The following AKAP6 variants were observed in gnomAD, a reference collection of about 807,000 sequenced individuals.
AKAP6 encodes the protein A-kinase anchoring protein 6.
Under a neutral mutation model 188.5 loss-of-function variants are expected in AKAP6, and 58 were observed. The observed-to-expected ratio is 0.31, with a 90% CI of 0.25 to 0.38. AKAP6 has a LOEUF of 0.38. Among genes scored for constraint, AKAP6 ranks in the 10% least tolerant of loss-of-function variants. The probability of loss-of-function intolerance (pLI) is 1.00; values close to 1 mark genes in which losing one functional copy is unlikely to be tolerated. For synonymous variants in AKAP6, 989 were observed against 998.6 expected (o/e 0.99, Z 0.18); for missense variants, 2,710 against 2,740.0 (o/e 0.99, Z 0.24).
At chr14:32,786,083 C>CT (rs1378360372) in intron 12 of AKAP6, among the ~76,000 whole-genome samples, 2 of 152,010 alleles carry the variant, frequency 1.3e-5, no homozygotes, top group Non-Finnish European at 2.9e-5. Context: ...GTGGGTGCAT[C>CT]TGGGGAGACA....
intron 2 of AKAP6, among the ~76,000 whole-genome samples, chr14:32,490,222 C>T (rs1198415185): frequency 6.6e-6 from 1 of 151,344 alleles, no homozygotes; most frequent in Admixed American, 6.6e-5. Context: ...TCTTCAGTTG[C>T]TTCAGGCCAT....
chr14:32,780,353 A>G (rs2033211100), intron 12 of AKAP6, among the ~76,000 whole-genome samples: 1 of 152,056 alleles, frequency 6.6e-6, no homozygotes, highest in African/African-American at 2.4e-5. Context: ...GAAAAAAAGA[A>G]AGAAACAGAG....
At position 32,833,069 on chromosome 14, in the gene AKAP6, C is replaced by G. The variant is rs1406734193; in HGVS notation, c.*3264C>G. The G allele has an allele frequency of 2.0e-5, 3 of 152,248 alleles. No individual in the cohort carries two copies. Among genetic ancestry groups the G allele is most frequent in the African/African-American group, 7.2e-5 (3 of 41,420 alleles). 9.4% of individuals were successfully genotyped at this position (152,248 alleles called of 1,614,324 possible). On this transcript the variant is annotated 3_prime_UTR_variant, in exon 14 of 14. Transcript: ENST00000280979. The stretch of plus-strand genomic sequence containing the variant: ...ATAAATAAATAAGAATCCATGACTT[C>G]CTTCAGTGGCCCAGTCCAGTGCCTA...
intron 7 of AKAP6, among the ~76,000 whole-genome samples, chr14:32,615,974 C>T (rs1886561397): frequency 6.6e-6 from 1 of 152,186 alleles, no homozygotes; most frequent in African/African-American, 2.4e-5. Context: ...AAATTATTCT[C>T]ATCAATGTTC....
At chr14:32,490,558 T>TGGTCCTTTAGA (rs1381740781) in intron 2 of AKAP6, among the ~76,000 whole-genome samples, 1 of 152,172 alleles carries the variant, frequency 6.6e-6, no homozygotes, top group Non-Finnish European at 1.5e-5. Flanking sequence ...TCCTCTGAAG[T>TGGTCCTTTAGA]GGTCCTTTAG....
In AKAP6 at chr14:32,545,759, C is replaced by T. The variant is rs1226254350; in HGVS notation, c.1106C>T (p.Pro369Leu). ...QQPVPCENAT[P>L]KRTIRDCFNY... ...CCTGTTCCTTGTGAAAATGCAACCCCCAAACGAACCATCAGAGATTGCTTT... is the reference window on the plus strand; with the variant it reads ...CCTGTTCCTTGTGAAAATGCAACCCTCAAACGAACCATCAGAGATTGCTTT... The change falls in exon 4 of 14, where the codon CCC becomes CTC. Residue 369 changes from proline (P) to leucine (L), a missense_variant. By Grantham distance (98) the Pro-to-Leu change is moderately conservative (BLOSUM62 -3). Transcript: ENST00000280979. 4 of 1,614,174 alleles carry T rather than the reference C, an allele frequency of 2.5e-6. No homozygotes were observed. The highest frequency in any genetic ancestry group is 1.3e-5 in the African/African-American group (1 of 75,046).
At chr14:32,492,255 T>C (rs1322870001) in intron 2 of AKAP6, among the ~76,000 whole-genome samples, 2 of 151,150 alleles carry the variant, frequency 1.3e-5, no homozygotes, top group Non-Finnish European at 2.9e-5. Flanking sequence ...CTCTCTCTTT[T>C]TCTGGGTTAG....
At chr14:32,417,307 G>A (rs993419277) in intron 1 of AKAP6, among the ~76,000 whole-genome samples, 2 of 152,038 alleles carry the variant, frequency 1.3e-5, no homozygotes, top group Non-Finnish European at 2.9e-5. Flanking sequence ...TATAAATCTT[G>A]TCATATTTTA....
intron 1 of AKAP6, among the ~76,000 whole-genome samples, chr14:32,380,592 A>G (rs1029596305): frequency 6.6e-6 from 1 of 152,218 alleles, no homozygotes; most frequent in African/African-American, 2.4e-5. Flanking sequence ...ATTTTAAAAC[A>G]GATTCTTCCT....
intron 12 of AKAP6, among the ~76,000 whole-genome samples, chr14:32,811,055 T>A (rs960744346): frequency 1.3e-5 from 2 of 151,740 alleles, no homozygotes; most frequent in South Asian, 4.2e-4. Context: ...CTGGCTAACA[T>A]GGAGAAACCC....
chr14:32,489,507 C>A (rs1879886408), intron 2 of AKAP6, among the ~76,000 whole-genome samples: 1 of 152,156 alleles, frequency 6.6e-6, no homozygotes, highest in Admixed American at 6.5e-5. Context: ...CCATGCCCAG[C>A]CCCTTTCTCT....
intron 9 of AKAP6, among the ~76,000 whole-genome samples, chr14:32,704,884 C>T (rs915340005): frequency 1.2e-4 from 19 of 152,050 alleles, no homozygotes; most frequent in African/African-American, 3.9e-4. Flanking sequence ...CTTTTATCAT[C>T]GTTCTAGTTT....
At chr14:32,785,336 A>G (rs1466159252) in intron 12 of AKAP6, among the ~76,000 whole-genome samples, 1 of 152,226 alleles carries the variant, frequency 6.6e-6, no homozygotes, top group Non-Finnish European at 1.5e-5. Flanking sequence ...ATTTCTTTTG[A>G]ATAATTGAAA....
rs1442238146 is a variant in AKAP6, at chr14:32,823,855, A to G, written c.6042A>G (p.Lys2014=). Residue 2014 remains lysine, a synonymous_variant, in exon 13 of 14, where the codon AAA becomes AAG. Coordinates refer to ENST00000280979, the MANE Select transcript of AKAP6 (RefSeq NM_004274.5). The stretch of plus-strand genomic sequence containing the variant: ...ATGATGCACCGAGTATGGCTGGAAA[A>G]TCTGCTGGTTGTTGCCTAGCACTTG... The part of the protein sequence containing the change: ...SSDDAPSMAG[K]SAGCCLALEQ... 6.2e-7 allele frequency: 1 copy of G among 1,613,574 alleles called. No individual in the cohort carries two copies. Among genetic ancestry groups the G allele is most frequent in the Non-Finnish European group, 8.5e-7 (1 of 1,179,920 alleles).
At chr14:32,334,621 A>G (rs1224491050) in intron 1 of AKAP6, among the ~76,000 whole-genome samples, 1 of 152,186 alleles carries the variant, frequency 6.6e-6, no homozygotes, top group Non-Finnish European at 1.5e-5. Flanking sequence ...AACATAGTAT[A>G]TGTAGGGTTT....
intron 7 of AKAP6, among the ~76,000 whole-genome samples, chr14:32,611,345 T>C (rs1886344415): frequency 6.6e-6 from 1 of 152,196 alleles, no homozygotes; most frequent in African/African-American, 2.4e-5. Context: ...GCATAGATAT[T>C]TTTGTAACCT....
intron 1 of AKAP6, among the ~76,000 whole-genome samples, chr14:32,382,098 C>T (rs1350417699): frequency 6.6e-6 from 1 of 152,194 alleles, no homozygotes; most frequent in African/African-American, 2.4e-5. Flanking sequence ...GATTGTGAGT[C>T]ACCTAGCAGG....
At chr14:32,762,484 A>G (rs1165287005) in intron 11 of AKAP6, among the ~76,000 whole-genome samples, 1 of 152,132 alleles carries the variant, frequency 6.6e-6, no homozygotes, top group East Asian at 1.9e-4. Context: ...AAAGTATGTA[A>G]CTTAGTTTAG....
At chr14:32,600,912 T>C in intron 7 of AKAP6, 120 bp downstream of exon 7, 5 of 826,800 alleles carry the variant, frequency 6.0e-6, no homozygotes, top group Non-Finnish European at 7.0e-6. Context: ...ACTTTATATC[T>C]CTCTCTATAT....
Sources: gnomAD v4.1 joint callset for allele counts (sites outside exome capture counted in the v4.1 genomes callset) on GRCh38, gnomAD v4.1.1 for gene constraint, MANE v1.5 for transcripts, NCBI Gene and HGNC (gene_info 2026-07-23, HGNC 2026-07-21) for gene names.